The following SLC66A2 variants were observed in gnomAD, a reference collection of about 807,000 sequenced individuals.
The protein encoded by SLC66A2 is solute carrier family 66 member 2.
In SLC66A2, 23 loss-of-function variants were observed where a neutral mutation model predicts 25.5. The observed-to-expected ratio is 0.90, with a 90% CI of 0.65 to 1.28. The LOEUF is 1.28. Ranked by LOEUF, SLC66A2 falls within the 50% of genes most tolerant of loss-of-function variation. The pLI is 0.00. For missense variants in SLC66A2, 396 were observed against 373.1 expected (o/e 1.06, Z -0.51); for synonymous variants, 193 against 166.5 (o/e 1.16, Z -1.23).
Position 79,917,229 on chromosome 18 carries a change from C to T in SLC66A2, c.608+1955G>A, listed in dbSNP as rs949337203. On this transcript the variant is annotated intron_variant, in intron 5 of 5. Transcript: ENST00000397778. The surrounding 1 kb of genome is among the most constrained non-coding windows in gnomAD (Gnocchi z 6.0). ...AACTCGGGTTTGAAGAGGATTCCCA[C>T]GTCCCCCCAGCTGACGGGGCAGCCC... is the stretch of plus-strand genomic sequence containing the variant. 2.6e-5 allele frequency among the ~76,000 whole-genome samples: 4 copies of T among 152,238 alleles called. No homozygotes were observed. Among genetic ancestry groups the T allele is most frequent in the South Asian group, 2.1e-4 (1 of 4,834 alleles).
At position 79,940,023 on chromosome 18, in the gene SLC66A2, G is replaced by A. The variant is rs1367342761; in HGVS notation, c.337+3306C>T. ...CTTCTGGATGAAGCAAATGTGGTAC[G>A]TATACACCACGGAACACTATGCAGC... On this transcript the variant is annotated intron_variant, in intron 3 of 5. Transcript: ENST00000397778. The surrounding 1 kb of genome is among the most constrained non-coding windows in gnomAD (Gnocchi z 4.1). Among the ~76,000 whole-genome samples, 5 of 152,290 alleles carry A rather than the reference G, an allele frequency of 3.3e-5. No homozygotes were observed. Among genetic ancestry groups the A allele is most frequent in the East Asian group, 3.9e-4 (2 of 5,186 alleles).
intron 5 of SLC66A2, among the ~76,000 whole-genome samples, chr18:79,908,219 T>C (rs996001813): frequency 7.2e-5 from 11 of 152,176 alleles, no homozygotes; most frequent in African/African-American, 2.7e-4. Context: ...GCGGAAGAAC[T>C]TTTTTTAGTA....
rs1037658899 is a variant in SLC66A2 at position 79,940,715 on chromosome 18, C to G, written c.337+2614G>C. On this transcript the variant is annotated intron_variant, in intron 3 of 5. Transcript: ENST00000397778. This position sits in a 1 kb window ranked among gnomAD's most constrained non-coding sequence, Gnocchi z 4.1. ...GAGGACATGAGCCCACACCTTTCAT[C>G]AAGACGCCCTGCAGGAACAGGCCTG... 1.3e-5 allele frequency among the ~76,000 whole-genome samples: 2 copies of G among 152,150 alleles called. No homozygotes were observed. The highest frequency in any genetic ancestry group is 2.9e-5 in the Non-Finnish European group (2 of 68,012).
chr18:79,943,411 G>C lies in SLC66A2; in HGVS notation c.255C>G (p.Ile85Met). 6 of 1,614,202 alleles carry C rather than the reference G, an allele frequency of 3.7e-6. No homozygotes were observed. Among genetic ancestry groups the C allele is most frequent in the Non-Finnish European group, 4.2e-6 (5 of 1,180,034 alleles). ...GCTTCAGCATCAGCAGCATGGTCAG[G>C]ATCATGATGGCGCTCTGCCACAGCA... ...SPLLWQSAIM[I>M]LTMLLMLKLC... The change falls in exon 3 of 6, where the codon ATC becomes ATG. Residue 85 changes from isoleucine to methionine, a missense_variant. By Grantham distance (10) the Ile-to-Met change is conservative. Coordinates refer to ENST00000397778, the MANE Select transcript of SLC66A2 (RefSeq NM_025078.5).
Position 79,937,882 on chromosome 18 carries a change from G to T in SLC66A2, c.338-3860C>A, listed in dbSNP as rs546935262. On this transcript the variant is annotated intron_variant, in intron 3 of 5. Transcript: ENST00000397778. This position sits in a 1 kb window ranked among gnomAD's most constrained non-coding sequence, Gnocchi z 5.4. ...AAAACTCAGCCTGCAGGAGTACTCA[G>T]CAATCTTGTTAAAAATGCAGGTGGC... Among the ~76,000 whole-genome samples, 1 of 152,266 alleles carries T rather than the reference G, an allele frequency of 6.6e-6. No homozygotes were observed. The highest frequency in any genetic ancestry group is 2.4e-5 in the African/African-American group (1 of 41,526).
intron 4 of SLC66A2, among the ~76,000 whole-genome samples, chr18:79,922,282 GAAA>G (rs147083635): frequency 5.8e-5 from 6 of 102,790 alleles, no homozygotes; most frequent in Non-Finnish European, 7.8e-5. Flanking sequence ...TCTTTGAAAA[GAAA>G]AAAAAAAAAA....
chr18:79,904,974 G>A lies in SLC66A2; in HGVS notation c.609-791C>T, dbSNP rs1029809089. ...ACACAGCCCTCCCCCACCCTGGGGC[G>A]TCCGTCCCGCTCATAAGCCAGGGTG... is the stretch of plus-strand genomic sequence containing the variant. On this transcript the variant is annotated intron_variant, in intron 5 of 5. Transcript: ENST00000397778. This position sits in a 1 kb window ranked among gnomAD's most constrained non-coding sequence, Gnocchi z 6.3. Among the ~76,000 whole-genome samples the A allele has an allele frequency of 4.6e-5, 7 of 152,318 alleles. No homozygotes were observed. The highest frequency in any genetic ancestry group is 4.1e-4 in the South Asian group (2 of 4,830).
At chr18:79,911,727 C>T (rs888354877) in intron 5 of SLC66A2, among the ~76,000 whole-genome samples, 2 of 152,048 alleles carry the variant, frequency 1.3e-5, no homozygotes, top group Admixed American at 1.3e-4. Flanking sequence ...ATTTAGAGGG[C>T]AGGGGAGGGG....
At chr18:79,907,908 A>T (rs529027803) in intron 5 of SLC66A2, among the ~76,000 whole-genome samples, 24 of 152,234 alleles carry the variant, frequency 1.6e-4, no homozygotes, top group African/African-American at 5.1e-4. Context: ...GAAAAATCTT[A>T]TTCTAGGGAC....
In SLC66A2 at chr18:79,919,347, A is replaced by T. The variant is rs772165178; in HGVS notation, c.445T>A (p.Cys149Ser). The change falls in exon 5 of 6, where the codon TGC becomes AGC. Residue 149 changes from cysteine to serine, a missense_variant. Coordinates refer to ENST00000397778, the MANE Select transcript of SLC66A2 (RefSeq NM_025078.5). ...QWSSFSDYVQ[C>S]VLAFTGVAGY... ...GCCACGCCCGTGAAGGCCAGGACGC[A>T]CTGCACGTAGTCCGAGAAGCTGCTC... The T allele has an allele frequency of 1.9e-6, 3 of 1,613,300 alleles. No homozygotes were observed. The highest frequency in any genetic ancestry group is 2.5e-6 in the Non-Finnish European group (3 of 1,180,036).
chr18:79,919,064 C>T, intron 5 of SLC66A2, 120 bp downstream of exon 5: 2 of 902,000 alleles, frequency 2.2e-6, no homozygotes, highest in Non-Finnish European at 1.7e-6. Flanking sequence ...TAACCGGCAG[C>T]TTCACAGGTC....
chr18:79,939,209 C>A (rs1987411863), intron 3 of SLC66A2, among the ~76,000 whole-genome samples: 1 of 152,202 alleles, frequency 6.6e-6, no homozygotes, highest in African/African-American at 2.4e-5. Flanking sequence ...ATTAGGTCGT[C>A]TGACCATCCA....
chr18:79,903,949 G>A lies in SLC66A2; in HGVS notation c.*27C>T, dbSNP rs371784953. 323 of 1,569,230 alleles carry A rather than the reference G, an allele frequency of 2.1e-4. 1 individual carries two copies. Among genetic ancestry groups the A allele is most frequent in the African/African-American group, 8.7e-4 (64 of 73,668 alleles). On this transcript the variant is annotated 3_prime_UTR_variant, in exon 6 of 6. Transcript: ENST00000397778. The stretch of plus-strand genomic sequence containing the variant: ...GGGCCCACCAGTGCCCGCGGCTGGC[G>A]GTCCCACATCCTCGTCCTCCCCACT...
At position 79,903,189 on chromosome 18, in the gene SLC66A2, A is replaced by C. The variant is rs995628055; in HGVS notation, c.*787T>G. 1.3e-5 allele frequency: 2 copies of C among 152,354 alleles called. No individual in the cohort carries two copies. Among genetic ancestry groups the C allele is most frequent in the African/African-American group, 4.8e-5 (2 of 41,472 alleles). 9.4% of individuals were successfully genotyped at this position (152,354 alleles called of 1,614,324 possible). A position where few individuals can be genotyped will look rare whatever the true frequency, so the allele number is the denominator to read the frequency against. ...GTGCAGACTGCATGTGCACAGCCTC[A>C]GCCCGGCCCCCTCAGCCATTGCCCA... On this transcript the variant is annotated 3_prime_UTR_variant, in exon 6 of 6. Coordinates refer to ENST00000397778, the MANE Select transcript of SLC66A2 (RefSeq NM_025078.5).
In SLC66A2 at chr18:79,948,595, C is replaced by G. The variant is rs550700864; in HGVS notation, c.203+2129G>C. ...GCCTCAAGTGATCCTCCCACCCCGG[C>G]CTCCAAAAGTGCTGGAATTACAGGA... On this transcript the variant is annotated intron_variant, in intron 2 of 5. Transcript: ENST00000397778. 1.1e-3 allele frequency among the ~76,000 whole-genome samples: 165 copies of G among 152,256 alleles called. 1 individual carries two copies. Among genetic ancestry groups the G allele is most frequent in the Middle Eastern group, 0.01 (3 of 294 alleles).
chr18:79,943,317 C>CCGGCCACCAACCTGTAAAGGAG lies in SLC66A2; in HGVS notation c.327_337+11dup, dbSNP rs1987858977. 1 of 1,612,956 alleles carries CCGGCCACCAACCTGTAAAGGAG rather than the reference C, an allele frequency of 6.2e-7. No homozygotes were observed. The highest frequency in any genetic ancestry group is 1.3e-5 in the African/African-American group (1 of 74,896). On this transcript the variant is annotated intron_variant, in intron 3 of 5. Coordinates refer to ENST00000397778, the MANE Select transcript of SLC66A2 (RefSeq NM_025078.5). ...TTCCCTGCGACTTTATTCCGAAGCG[C>CCGGCCACCAACCTGTAAAGGAG]CGGCCACCAACCTGTAAAGGAGCGG...
intron 3 of SLC66A2, among the ~76,000 whole-genome samples, chr18:79,934,976 A>G (rs1234386065): frequency 6.6e-6 from 1 of 152,174 alleles, no homozygotes; most frequent in Non-Finnish European, 1.5e-5. Context: ...TTATAAACCA[A>G]TGCAGCATAC....
chr18:79,945,603 G>C (rs928652727), intron 2 of SLC66A2, among the ~76,000 whole-genome samples: 1 of 152,232 alleles, frequency 6.6e-6, no homozygotes, highest in Non-Finnish European at 1.5e-5. Context: ...TGGGCCCGGG[G>C]ATAGAGGACG....
At position 79,940,588 on chromosome 18, in the gene SLC66A2, G is replaced by GGC. The variant is rs1987576219; in HGVS notation, c.337+2739_337+2740dup. Among the ~76,000 whole-genome samples the GGC allele has an allele frequency of 6.6e-6, 1 of 152,118 alleles. No individual in the cohort carries two copies. The highest frequency in any genetic ancestry group is 1.5e-5 in the Non-Finnish European group (1 of 68,016). ...AGGCTGGCCACCTTGCTTGGCATGG[G>GGC]GCTGTGCTGCAGGAGCTACCGATCG... On this transcript the variant is annotated intron_variant, in intron 3 of 5. Transcript: ENST00000397778. The surrounding 1 kb of genome is among the most constrained non-coding windows in gnomAD (Gnocchi z 4.1).
Sources: gnomAD v4.1 joint callset for allele counts (sites outside exome capture counted in the v4.1 genomes callset) on GRCh38, gnomAD v4.1.1 for gene constraint, Gnocchi (gnomAD v3.1) non-coding constraint, MANE v1.5 for transcripts, NCBI Gene and HGNC (gene_info 2026-07-23, HGNC 2026-07-21) for gene names.